Variants in SMC3 observed in about 807,000 individuals in gnomAD.
SMC3 encodes structural maintenance of chromosomes 3.
Under a neutral mutation model 171.8 loss-of-function variants are expected in SMC3, and 20 were observed. That is an observed-to-expected ratio of 0.12 (90% CI 0.08 to 0.17). The LOEUF (loss-of-function observed/expected upper bound fraction) is 0.17. SMC3 is among the 10% of genes least tolerant of loss of function. The pLI is 1.00. For synonymous variants in SMC3, 464 were observed against 451.1 expected (o/e 1.03, Z -0.36); for missense variants, 543 against 1,420.4 (o/e 0.38, Z 9.93).
At chr10:110,598,541 G>A (rs1397544668) in intron 20 of SMC3, among the ~76,000 whole-genome samples, 1 of 151,914 alleles carries the variant, frequency 6.6e-6, no homozygotes, top group African/African-American at 2.4e-5. Flanking sequence ...TGAGTAGCTG[G>A]GACTACAGAC....
chr10:110,570,200 A>G (rs553996985), intron 2 of SMC3, among the ~76,000 whole-genome samples: 4 of 152,242 alleles, frequency 2.6e-5, no homozygotes, highest in African/African-American at 9.6e-5. Flanking sequence ...ATCATCTTCC[A>G]GGGGTCCCCA....
chr10:110,582,792 C>T, intron 10 of SMC3, 150 bp downstream of exon 10: 1 of 683,390 alleles, frequency 1.5e-6, no homozygotes, highest in East Asian at 2.8e-5. Context: ...CCGCAGCTTC[C>T]TGAATAGCTG....
rs1232861376 is a variant in SMC3, at chr10:110,598,054, G to A, written c.2117-85G>A. ...GTTATTTGGGGGTAAAGAAAAGGAA[G>A]GGATACATGGTGTTGTGTCTAAAAA... is the stretch of plus-strand genomic sequence containing the variant. On this transcript the variant is annotated intron_variant, in intron 19 of 28. Coordinates refer to ENST00000361804, the MANE Select transcript of SMC3 (RefSeq NM_005445.4). 2.0e-5 allele frequency: 25 copies of A among 1,228,644 alleles called. No homozygotes were observed. In the Admixed American group the frequency reaches 4.7e-4, roughly 23 times the overall value. 76.1% of individuals were successfully genotyped at this position (1,228,644 alleles called of 1,614,324 possible). A position where few individuals can be genotyped will look rare whatever the true frequency, so the allele number is the denominator to read the frequency against.
At position 110,578,843 on chromosome 10, in the gene SMC3, A is replaced by G. The variant is rs566187030; in HGVS notation, c.429+137A>G. The G allele has an allele frequency of 1.3e-4, 87 of 670,820 alleles. 1 individual carries two copies. In the South Asian group the frequency reaches 1.4e-3, roughly 11 times the overall value. The allele number at this position is 670,820 out of a possible 1,614,324, so 41.6% of individuals were successfully genotyped here. ...TCTTTTACATGGCCATAAAGTACCA[A>G]ATAGGTCCATTGCATGTTGAGATGG... On this transcript the variant is annotated intron_variant, in intron 7 of 28. Transcript: ENST00000361804.
In SMC3 at chr10:110,594,406, C is replaced by T. The variant is rs555251411; in HGVS notation, c.1963+1183C>T. On this transcript the variant is annotated intron_variant, in intron 18 of 28. Coordinates refer to ENST00000361804, the MANE Select transcript of SMC3 (RefSeq NM_005445.4). ...CTACCATAAGTTTGAAGTACTGATA[C>T]ATGTAAACAATATTTTGACATCTGA... is the stretch of plus-strand genomic sequence containing the variant. Among the ~76,000 whole-genome samples, 181 of 152,112 alleles carry T rather than the reference C, an allele frequency of 1.2e-3. 1 individual carries two copies. Among genetic ancestry groups the T allele is most frequent in the Non-Finnish European group, 2.2e-3 (149 of 67,988 alleles).
intron 2 of SMC3, among the ~76,000 whole-genome samples, chr10:110,572,141 A>G (rs761767713): frequency 1.3e-5 from 2 of 152,182 alleles, no homozygotes; most frequent in African/African-American, 2.4e-5. Context: ...CCTGTTGTTA[A>G]CATTTTCCCC....
rs142395521 is a variant in SMC3 at position 110,603,203 on chromosome 10, T to A, written c.3495T>A (p.Ala1165=). The change falls in exon 28 of 29, where the codon GCT becomes GCA. Residue 1165 remains alanine (A), a synonymous_variant. Coordinates refer to ENST00000361804, the MANE Select transcript of SMC3 (RefSeq NM_005445.4). ...KAVSDMIMEL[A]VHAQFITTTF... Reference sequence around the variant, plus strand: ...TTACAGATATGATTATGGAACTTGCTGTACATGCTCAGTTTATTACAACTA... The same window carrying A: ...TTACAGATATGATTATGGAACTTGCAGTACATGCTCAGTTTATTACAACTA... 148 of 1,607,260 alleles carry A rather than the reference T, an allele frequency of 9.2e-5. No individual in the cohort carries two copies. The African/African-American group carries it at 1.8e-3, about 19-fold the overall frequency.
rs745386744 is a variant in SMC3 at position 110,603,208 on chromosome 10, A to G, written c.3500A>G (p.His1167Arg). 3.1e-6 allele frequency: 5 copies of G among 1,608,194 alleles called. No individual in the cohort carries two copies. Among genetic ancestry groups the G allele is most frequent in the Non-Finnish European group, 2.6e-6 (3 of 1,176,446 alleles). Residue 1167 changes from histidine (H) to arginine (R), a missense_variant, in exon 28 of 29, where the codon CAT becomes CGT. Physicochemically the swap from His to Arg is conservative, Grantham distance 29 (BLOSUM62 0). This residue lies in a region of SMC3 where 31 missense variants were observed against 150.9 expected (regional missense o/e 0.21). Transcript: ENST00000361804. The part of the protein sequence containing the change: ...VSDMIMELAV[H>R]AQFITTTFRP... Reference sequence around the variant, plus strand: ...GATATGATTATGGAACTTGCTGTACATGCTCAGTTTATTACAACTACTTTT... The same window carrying G: ...GATATGATTATGGAACTTGCTGTACGTGCTCAGTTTATTACAACTACTTTT...
intron 3 of SMC3, among the ~76,000 whole-genome samples, chr10:110,575,078 T>C (rs913573486): frequency 4.2e-4 from 64 of 152,326 alleles, no homozygotes; most frequent in African/African-American, 1.4e-3. Context: ...TGTTTTCATG[T>C]ATTTCGGTGG....
At chr10:110,576,466 A>G (rs1403051451) in intron 4 of SMC3, among the ~76,000 whole-genome samples, 1 of 152,170 alleles carries the variant, frequency 6.6e-6, no homozygotes, top group Non-Finnish European at 1.5e-5. Context: ...GTGATGTGGA[A>G]AAAAATATGA....
At chr10:110,599,260 G>C (rs941019036) in intron 20 of SMC3, among the ~76,000 whole-genome samples, 5 of 152,104 alleles carry the variant, frequency 3.3e-5, no homozygotes, top group African/African-American at 7.2e-5. Flanking sequence ...TCCACACCCA[G>C]CTAATTTTTG....
chr10:110,568,185 G>T lies in SMC3; in HGVS notation c.15+354G>T, dbSNP rs1860806215. On this transcript the variant is annotated intron_variant, in intron 1 of 28. Transcript: ENST00000361804. ...CACCCCGCCGGGGCGGCCGCGGGCGGGAAGGGCTGTGTGGTCCTGCAGGGG... is the reference window on the plus strand; with the variant it reads ...CACCCCGCCGGGGCGGCCGCGGGCGTGAAGGGCTGTGTGGTCCTGCAGGGG... The T allele has an allele frequency of 7.1e-6, 3 of 420,434 alleles. No individual in the cohort carries two copies. The Admixed American group carries it at 1.2e-4, about 17-fold the overall frequency. 26.0% of individuals were successfully genotyped at this position (420,434 alleles called of 1,614,324 possible).
intron 2 of SMC3, among the ~76,000 whole-genome samples, chr10:110,573,472 C>T (rs112440840): frequency 7.2e-5 from 11 of 152,012 alleles, no homozygotes; most frequent in East Asian, 1.9e-4. Context: ...TAAGAGCAAA[C>T]GGATCAACTG....
At chr10:110,593,251 A>G in intron 18 of SMC3, 28 bp downstream of exon 18, 1 of 1,605,524 alleles carries the variant, frequency 6.2e-7, no homozygotes, top group East Asian at 2.2e-5. Context: ...TTAGCTTTAA[A>G]CAGATAAATT....
Position 110,582,544 on chromosome 10 carries a change from A to T in SMC3, c.724-18A>T. 6.3e-7 allele frequency: 1 copy of T among 1,578,668 alleles called. No homozygotes were observed. Among genetic ancestry groups the T allele is most frequent in the Non-Finnish European group, 8.7e-7 (1 of 1,151,138 alleles). On this transcript the variant is annotated intron_variant, in intron 9 of 28. Coordinates refer to ENST00000361804, the MANE Select transcript of SMC3 (RefSeq NM_005445.4). ...ATTACAAAATGAGTTAGATATGATA[A>T]GTTGTTTTTTTTCTTAGCTTTCTGC...
In SMC3 at chr10:110,584,288, C is replaced by G. The variant is rs1346764807; in HGVS notation, c.1197C>G (p.Leu399=). 12 of 1,613,682 alleles carry G rather than the reference C, an allele frequency of 7.4e-6. No homozygotes were observed. Among genetic ancestry groups the G allele is most frequent in the Non-Finnish European group, 8.5e-6 (10 of 1,179,752 alleles). ...GGGATAAGTGGATTAAAAAGGAACT[C>G]AAGTCTTTAGATCAGGCTATTAATG... ...EERDKWIKKE[L]KSLDQAINDK... is the part of the protein sequence containing the mutation. The change falls in exon 13 of 29, where the codon CTC becomes CTG. Residue 399 remains leucine (L), a synonymous_variant. Transcript: ENST00000361804.
At position 110,590,997 on chromosome 10, in the gene SMC3, T is replaced by C; in HGVS notation, c.1677T>C (p.Phe559=). 6.2e-7 allele frequency: 1 copy of C among 1,612,852 alleles called. No individual in the cohort carries two copies. The highest frequency in any genetic ancestry group is 8.5e-7 in the Non-Finnish European group (1 of 1,178,950). The change falls in exon 17 of 29, where the codon TTT becomes TTC. Residue 559 remains phenylalanine (F), a synonymous_variant. Coordinates refer to ENST00000361804, the MANE Select transcript of SMC3 (RefSeq NM_005445.4). ...CVEVTAGNRL[F]YHIVDSDEVS... ...TTACTCTGTTTATATTTAGGTTATT[T>C]TATCACATTGTTGATTCAGATGAAG...
intron 3 of SMC3, 94 bp from the exon 4 acceptor site, chr10:110,575,242 C>A: frequency 1.1e-6 from 1 of 875,148 alleles, no homozygotes; most frequent in Non-Finnish European, 1.9e-6. Flanking sequence ...TTGTCTATTA[C>A]CAGACACACT....
intron 27 of SMC3, 21 bp downstream of exon 27, chr10:110,603,023 T>C: frequency 6.2e-7 from 1 of 1,613,370 alleles, no homozygotes; most frequent in Non-Finnish European, 8.5e-7. Flanking sequence ...AGTACAGTTT[T>C]GGTTTTGTAT....
Sources: allele counts gnomAD v4.1 joint callset (sites outside exome capture counted in the v4.1 genomes callset), GRCh38; gene constraint gnomAD v4.1.1; regional missense constraint gnomAD v4.1.1; transcripts MANE v1.5; gene names NCBI Gene and HGNC (gene_info 2026-07-23, HGNC 2026-07-21).